KIF26B: variants seen among roughly 807,000 people sequenced by gnomAD.
The protein encoded by KIF26B is kinesin-like protein KIF26B.
In KIF26B, 63 loss-of-function variants were observed where a neutral mutation model predicts 151.2. That is an observed-to-expected ratio of 0.42 (90% CI 0.34 to 0.51). KIF26B has a LOEUF of 0.51. KIF26B is among the 20% of genes least tolerant of loss of function. The probability of loss-of-function intolerance (pLI) is 0.07; values close to 1 mark genes in which losing one functional copy is unlikely to be tolerated. For synonymous variants in KIF26B, 1,357 were observed against 1,262.1 expected, an observed-to-expected ratio of 1.08 and a Z score of -1.59; for missense variants, 2,813 against 2,913.6, an observed-to-expected ratio of 0.97 and a Z score of 0.79.
intron 4 of KIF26B, among the ~76,000 whole-genome samples, chr1:245,427,435 C>T (rs1015520188): frequency 6.6e-6 from 1 of 152,134 alleles, no homozygotes; most frequent in Non-Finnish European, 1.5e-5. Context: ...ATGGAGAAAC[C>T]CCGTCTCTAC....
At chr1:245,586,149 A>T (rs2043221083) in intron 5 of KIF26B, among the ~76,000 whole-genome samples, 1 of 147,498 alleles carries the variant, frequency 6.8e-6, no homozygotes, top group Non-Finnish European at 1.5e-5. Flanking sequence ...GGCACACACC[A>T]CCATGACCAG....
chr1:245,359,641 T>C (rs182456254), intron 2 of KIF26B, among the ~76,000 whole-genome samples: 2 of 151,784 alleles, frequency 1.3e-5, no homozygotes, highest in Admixed American at 1.3e-4. Flanking sequence ...ATTCCTTCCT[T>C]CCTTCCTTCA....
intron 4 of KIF26B, among the ~76,000 whole-genome samples, chr1:245,524,626 G>A (rs4658785): frequency 0.78 from 119,258 of 152,090 alleles, 47,129 homozygotes; most frequent in Middle Eastern, 0.87. Flanking sequence ...TATAAGCTAA[G>A]TAACTGTTTT....
At chr1:245,221,113 T>C (rs376805816) in intron 2 of KIF26B, among the ~76,000 whole-genome samples, 16 of 152,226 alleles carry the variant, frequency 1.1e-4, no homozygotes, top group African/African-American at 3.9e-4. Flanking sequence ...AGTTTGTTAA[T>C]GGGAAATGAG....
chr1:245,256,941 C>T (rs1218706855), intron 2 of KIF26B, among the ~76,000 whole-genome samples: 2 of 152,152 alleles, frequency 1.3e-5, no homozygotes, highest in African/African-American at 4.8e-5. Context: ...CCTTCCCTTC[C>T]CAGGTCTTTT....
chr1:245,292,683 G>T (rs191699971), intron 2 of KIF26B, among the ~76,000 whole-genome samples: 99 of 152,330 alleles, frequency 6.5e-4, no homozygotes, highest in Non-Finnish European at 1.2e-3. Flanking sequence ...TCTCCCGGGA[G>T]CATCTTCAGG....
At chr1:245,436,193 A>G (rs1658928132) in intron 4 of KIF26B, among the ~76,000 whole-genome samples, 1 of 150,290 alleles carries the variant, frequency 6.7e-6, no homozygotes, top group Non-Finnish European at 1.5e-5. Flanking sequence ...AAAAAAAAAG[A>G]GTTTTCTTCT....
intron 9 of KIF26B, among the ~76,000 whole-genome samples, chr1:245,622,652 C>G (rs184430531): frequency 1.8e-4 from 27 of 152,294 alleles, no homozygotes; most frequent in African/African-American, 5.5e-4. Flanking sequence ...TCCATCTCTG[C>G]CTTTGCCATT....
chr1:245,287,082 C>G (rs1450820491), intron 2 of KIF26B, among the ~76,000 whole-genome samples: 2 of 152,100 alleles, frequency 1.3e-5, no homozygotes, highest in African/African-American at 4.8e-5. Context: ...GCACTCCAGC[C>G]TGGGCAACAC....
intron 2 of KIF26B, among the ~76,000 whole-genome samples, chr1:245,219,856 G>A (rs1006355831): frequency 3.4e-4 from 52 of 152,330 alleles, no homozygotes; most frequent in Admixed American, 9.8e-4. Flanking sequence ...AGTTGGCTGC[G>A]CCAGGGGACA....
At chr1:245,180,934 A>G (rs1668895322) in intron 2 of KIF26B, among the ~76,000 whole-genome samples, 1 of 152,110 alleles carries the variant, frequency 6.6e-6, no homozygotes, top group Non-Finnish European at 1.5e-5. Context: ...CACCAACTGC[A>G]GGATTCCTAT....
Position 245,687,187 on chromosome 1 carries a change from C to A in KIF26B, c.4204C>A (p.Arg1402=), listed in dbSNP as rs184020024. 9 of 1,612,672 alleles carry A rather than the reference C, an allele frequency of 5.6e-6. No individual in the cohort carries two copies. In the East Asian group the frequency reaches 1.8e-4, roughly 32 times the overall value. The change falls in exon 12 of 15, where the codon CGG becomes AGG. Residue 1402 remains arginine (R), a synonymous_variant. Coordinates refer to ENST00000407071, the MANE Select transcript of KIF26B (RefSeq NM_018012.4). The surrounding 1 kb of genome is among the most constrained non-coding windows in gnomAD (Gnocchi z 4.9). ...TVYPCIAMSP[R]NIQEPEAPTA... is the part of the protein sequence containing the mutation. ...TTACCCCTGCATTGCCATGAGCCCC[C>A]GGAACATCCAAGAGCCGGAGGCCCC...
chr1:245,355,865 A>G (rs1299038264), intron 2 of KIF26B, among the ~76,000 whole-genome samples: 4 of 152,202 alleles, frequency 2.6e-5, no homozygotes, highest in Non-Finnish European at 5.9e-5. Flanking sequence ...TCTGAAGGCC[A>G]CAGCTGGGGT....
At chr1:245,578,237 A>T (rs1264522994) in intron 5 of KIF26B, among the ~76,000 whole-genome samples, 8 of 152,248 alleles carry the variant, frequency 5.3e-5, no homozygotes, top group Admixed American at 4.6e-4. Flanking sequence ...ATGTCTCCCC[A>T]TGAATGCTGA....
intron 4 of KIF26B, among the ~76,000 whole-genome samples, chr1:245,519,268 G>A (rs1233019474): frequency 2.0e-5 from 3 of 152,060 alleles, no homozygotes; most frequent in Non-Finnish European, 2.9e-5. Flanking sequence ...ATTAAGTACA[G>A]TGAGGCCAGG....
At chr1:245,361,551 G>C (rs1672819293) in intron 2 of KIF26B, among the ~76,000 whole-genome samples, 1 of 152,214 alleles carries the variant, frequency 6.6e-6, no homozygotes, top group African/African-American at 2.4e-5. Flanking sequence ...AGCAGACTGG[G>C]AATCACAATG....
chr1:245,628,023 T>C (rs971228471), intron 9 of KIF26B, among the ~76,000 whole-genome samples: 3 of 152,192 alleles, frequency 2.0e-5, no homozygotes, highest in Admixed American at 1.3e-4. Flanking sequence ...CAGGACCAGA[T>C]GGATTCACAG....
chr1:245,271,271 T>G (rs1670851767), intron 2 of KIF26B, among the ~76,000 whole-genome samples: 1 of 152,216 alleles, frequency 6.6e-6, no homozygotes, highest in African/African-American at 2.4e-5. Context: ...ATTTTAGGAC[T>G]GTTTTTTTCT....
chr1:245,693,324 C>T (rs765340525), intron 12 of KIF26B, among the ~76,000 whole-genome samples: 5 of 152,156 alleles, frequency 3.3e-5, no homozygotes, highest in African/African-American at 4.8e-5. Context: ...GACCTTGGCC[C>T]GCCTGGACAT....
Sources: gnomAD v4.1 joint callset for allele counts (sites outside exome capture counted in the v4.1 genomes callset) on GRCh38, gnomAD v4.1.1 for gene constraint, Gnocchi (gnomAD v3.1) non-coding constraint, MANE v1.5 for transcripts, NCBI Gene and HGNC (gene_info 2026-07-23, HGNC 2026-07-21) for gene names.